TAFA2: variants seen among roughly 807,000 people sequenced by gnomAD.
The protein encoded by TAFA2 is TAFA chemokine like family member 2, also known as chemokine-like protein TAFA-2.
In TAFA2, 7 loss-of-function variants were observed where a neutral mutation model predicts 18.8. That is an observed-to-expected ratio of 0.37 (90% CI 0.21 to 0.70). The LOEUF is 0.70. TAFA2 is among the 30% of genes least tolerant of loss of function. TAFA2 has a pLI of 0.53. For missense variants in TAFA2, 122 were observed against 158.1 expected, an observed-to-expected ratio of 0.77 and a Z score of 1.23; for synonymous variants, 60 against 54.2, an observed-to-expected ratio of 1.11 and a Z score of -0.47.
At chr12:62,185,164 T>G (rs943047269) in intron 1 of TAFA2, among the ~76,000 whole-genome samples, 1 of 152,224 alleles carries the variant, frequency 6.6e-6, no homozygotes, top group Non-Finnish European at 1.5e-5. Flanking sequence ...TACATACATA[T>G]CTTAGCAGGA....
intron 1 of TAFA2, among the ~76,000 whole-genome samples, chr12:62,157,649 C>T (rs1379204395): frequency 6.6e-6 from 1 of 152,182 alleles, no homozygotes; most frequent in African/African-American, 2.4e-5. Context: ...CAGTTTTCTA[C>T]ATGGCTGTCT....
intron 2 of TAFA2, among the ~76,000 whole-genome samples, chr12:61,839,538 G>A (rs901524479): frequency 2.6e-5 from 4 of 151,982 alleles, no homozygotes; most frequent in Non-Finnish European, 4.4e-5. Context: ...AAGAAAATGT[G>A]GTACATACAC....
At chr12:61,911,089 A>C (rs1307252771) in intron 1 of TAFA2, among the ~76,000 whole-genome samples, 1 of 152,204 alleles carries the variant, frequency 6.6e-6, no homozygotes, top group Non-Finnish European at 1.5e-5. Context: ...TTCAGAAGAA[A>C]ATAGTCATAT....
chr12:61,749,923 G>A (rs183249646), intron 4 of TAFA2, among the ~76,000 whole-genome samples: 2 of 151,772 alleles, frequency 1.3e-5, no homozygotes, highest in East Asian at 3.9e-4. Flanking sequence ...CATTAGGCAA[G>A]GACTATAAAT....
intron 1 of TAFA2, among the ~76,000 whole-genome samples, chr12:62,064,909 T>G (rs989330795): frequency 2.6e-5 from 4 of 152,048 alleles, no homozygotes; most frequent in African/African-American, 9.7e-5. Context: ...ATTGAATTTG[T>G]ACCATTTTAT....
intron 1 of TAFA2, among the ~76,000 whole-genome samples, chr12:62,019,061 G>A (rs1456969500): frequency 6.6e-6 from 1 of 152,132 alleles, no homozygotes; most frequent in African/African-American, 2.4e-5. Flanking sequence ...GCAGCCAAAA[G>A]ACACATGAAA....
intron 2 of TAFA2, among the ~76,000 whole-genome samples, chr12:61,831,408 A>C (rs1293501213): frequency 6.6e-6 from 1 of 152,050 alleles, no homozygotes; most frequent in Non-Finnish European, 1.5e-5. Flanking sequence ...TCTTAAAATA[A>C]AATCCTATAT....
At chr12:61,911,333 T>C (rs1016263558) in intron 1 of TAFA2, among the ~76,000 whole-genome samples, 1 of 152,174 alleles carries the variant, frequency 6.6e-6, no homozygotes, top group African/African-American at 2.4e-5. Context: ...GAATTGGGAT[T>C]GGCCCAATCC....
At chr12:61,818,887 AC>A (rs1188763329) in intron 2 of TAFA2, among the ~76,000 whole-genome samples, 11 of 152,312 alleles carry the variant, frequency 7.2e-5, no homozygotes, top group African/African-American at 2.6e-4. Context: ...GCTTATGGCT[AC>A]CAATGAAAAG....
chr12:61,710,085 C>A lies in TAFA2; in HGVS notation c.*321G>T. On this transcript the variant is annotated 3_prime_UTR_variant, in exon 5 of 5. Transcript: ENST00000416284. ...AAGTAGTCACATCTGGAGCCAATAACTCAAAAGGTGACTGTCTCTAACATC... is the reference window on the plus strand; with the variant it reads ...AAGTAGTCACATCTGGAGCCAATAAATCAAAAGGTGACTGTCTCTAACATC... 3.0e-6 allele frequency: 1 copy of A among 338,190 alleles called. No individual in the cohort carries two copies. The highest frequency in any genetic ancestry group is 5.4e-5 in the East Asian group (1 of 18,396). 20.9% of individuals were successfully genotyped at this position (338,190 alleles called of 1,614,324 possible).
intron 2 of TAFA2, among the ~76,000 whole-genome samples, chr12:61,786,084 G>A (rs1592387462): frequency 6.6e-6 from 1 of 151,468 alleles, no homozygotes. Flanking sequence ...TGCTTATGAG[G>A]AAACTATCCA....
chr12:61,985,628 A>C (rs1219729751), intron 1 of TAFA2, among the ~76,000 whole-genome samples: 2 of 152,194 alleles, frequency 1.3e-5, no homozygotes, highest in Non-Finnish European at 2.9e-5. Context: ...AAATAAAAGA[A>C]ATAAGTCACC....
intron 1 of TAFA2, chr12:62,023,554 G>A (rs548005214): frequency 1.4e-5 from 2 of 147,344 alleles, no homozygotes; most frequent in East Asian, 2.0e-4. Flanking sequence ...CACAAACCAA[G>A]ACTTATGAAC....
At chr12:61,902,952 C>T (rs775345262) in intron 1 of TAFA2, among the ~76,000 whole-genome samples, 1 of 152,112 alleles carries the variant, frequency 6.6e-6, no homozygotes, top group African/African-American at 2.4e-5. Context: ...CATTTTCAAC[C>T]TGTCATCCCA....
At chr12:61,910,846 G>A (rs1244239733) in intron 1 of TAFA2, among the ~76,000 whole-genome samples, 2 of 152,142 alleles carry the variant, frequency 1.3e-5, no homozygotes, top group African/African-American at 4.8e-5. Flanking sequence ...AACTCACCCT[G>A]TGCAATTCCG....
At chr12:61,911,606 C>T (rs948560154) in intron 1 of TAFA2, among the ~76,000 whole-genome samples, 1 of 152,124 alleles carries the variant, frequency 6.6e-6, no homozygotes, top group African/African-American at 2.4e-5. Context: ...ACTTCTCATG[C>T]ATTTAATAAG....
intron 2 of TAFA2, among the ~76,000 whole-genome samples, chr12:61,863,326 G>A (rs772177486): frequency 2.0e-5 from 3 of 152,174 alleles, no homozygotes; most frequent in Non-Finnish European, 4.4e-5. Context: ...AATATATTAG[G>A]TATACAGATG....
At position 62,000,630 on chromosome 12, in the gene TAFA2, A is replaced by G. The variant is rs371114963; in HGVS notation, c.-1-133204T>C. Among the ~76,000 whole-genome samples the G allele has an allele frequency of 3.4e-5, 4 of 117,280 alleles. No individual in the cohort carries two copies. In the East Asian group the frequency reaches 1.7e-3, roughly 50 times the overall value. 76.9% of individuals were successfully genotyped at this position (117,280 alleles called of 152,430 possible). A position where few individuals can be genotyped will look rare whatever the true frequency, so the allele number is the denominator to read the frequency against. On this transcript the variant is annotated intron_variant, in intron 1 of 4. Transcript: ENST00000416284. ...CATAAATATGTGCACACACAAAAAA[A>G]TGTACAAAGGTGTTTAAAGCAGTAT...
rs553888095 is a variant in TAFA2 at position 61,744,511 on chromosome 12, T to C, written c.384+9111A>G. 1.6e-3 allele frequency among the ~76,000 whole-genome samples: 250 copies of C among 152,260 alleles called. 1 individual carries two copies. The highest frequency in any genetic ancestry group is 5.7e-3 in the African/African-American group (236 of 41,568). On this transcript the variant is annotated intron_variant, in intron 4 of 4. Transcript: ENST00000416284. ...AGACACTCTTGGCCCTATTAAATTA[T>C]ATTTAATTAAGTAATCAGCTCTTAA...
Sources: gnomAD v4.1 joint callset for allele counts (sites outside exome capture counted in the v4.1 genomes callset) on GRCh38, gnomAD v4.1.1 for gene constraint, MANE v1.5 for transcripts, NCBI Gene and HGNC (gene_info 2026-07-23, HGNC 2026-07-21) for gene names.